RAPH1: variants seen among roughly 807,000 people sequenced by gnomAD.
The protein encoded by RAPH1 is ras-associated and pleckstrin homology domains-containing protein 1.
Under a neutral mutation model 88.1 loss-of-function variants are expected in RAPH1, and 18 were observed. The ratio of observed to expected loss-of-function variants is 0.20; its 90% CI spans 0.14 to 0.30. The LOEUF is 0.30. RAPH1 is among the 10% of genes least tolerant of loss of function. The probability of loss-of-function intolerance (pLI) is 1.00; values close to 1 mark genes in which losing one functional copy is unlikely to be tolerated. For missense variants in RAPH1, 1,448 were observed against 1,543.2 expected (o/e 0.94, Z 1.03); for synonymous variants, 587 against 559.0 (o/e 1.05, Z -0.71).
intron 8 of RAPH1, 93 bp downstream of exon 8, chr2:203,457,437 G>T: frequency 1.0e-6 from 1 of 958,896 alleles, no homozygotes; most frequent in Non-Finnish European, 1.7e-6. Context: ...ACTCACCTCA[G>T]CCTCCCGAAG....
At chr2:203,511,753 C>T (rs1166873689) in intron 1 of RAPH1, among the ~76,000 whole-genome samples, 1 of 152,032 alleles carries the variant, frequency 6.6e-6, no homozygotes, top group Non-Finnish European at 1.5e-5. Context: ...TTTCAGTATC[C>T]CTTTAAAAAG....
chr2:203,480,377 C>T (rs1581325712), intron 4 of RAPH1, among the ~76,000 whole-genome samples: 2 of 152,010 alleles, frequency 1.3e-5, no homozygotes, highest in Non-Finnish European at 2.9e-5. Context: ...GGCAAAACGC[C>T]GTCTCTAAAA....
intron 7 of RAPH1, among the ~76,000 whole-genome samples, chr2:203,459,643 G>A (rs2098522754): frequency 1.3e-5 from 2 of 152,188 alleles, no homozygotes; most frequent in South Asian, 2.1e-4. Context: ...ACTCACTAGA[G>A]CTATACTTCT....
intron 4 of RAPH1, among the ~76,000 whole-genome samples, chr2:203,482,802 C>G (rs188137001): frequency 7.7e-5 from 11 of 143,210 alleles, no homozygotes; most frequent in African/African-American, 3.1e-4. Flanking sequence ...GAATCTGTCT[C>G]AAAAAAAACA....
At chr2:203,520,076 C>T (rs998559826) in intron 1 of RAPH1, among the ~76,000 whole-genome samples, 1 of 152,090 alleles carries the variant, frequency 6.6e-6, no homozygotes, top group Non-Finnish European at 1.5e-5. Context: ...ACCTGTAATC[C>T]TAGCACTTTG....
chr2:203,439,665 T>G lies in RAPH1; in HGVS notation c.3525A>C (p.Arg1175=). 2.5e-6 allele frequency: 4 copies of G among 1,614,138 alleles called. No homozygotes were observed. The highest frequency in any genetic ancestry group is 3.4e-6 in the Non-Finnish European group (4 of 1,180,024). ...FLADLNRTLQ[R]KSITRHGSLS... ...GTGAGCCGTGCCGAGTGATGGACTT[T>G]CGTTGCAGTGTCCTGTTGAGGTCAG... Residue 1175 remains arginine (R), a synonymous_variant, in exon 14 of 14, where the codon CGA becomes CGC. Coordinates refer to ENST00000319170, the MANE Select transcript of RAPH1 (RefSeq NM_213589.3).
At chr2:203,480,078 G>C (rs559665841) in intron 4 of RAPH1, among the ~76,000 whole-genome samples, 4 of 152,200 alleles carry the variant, frequency 2.6e-5, no homozygotes, top group African/African-American at 9.7e-5. Flanking sequence ...ATTACAAAGT[G>C]TTGCGCCATT....
intron 1 of RAPH1, among the ~76,000 whole-genome samples, chr2:203,525,041 T>G (rs1690051721): frequency 6.6e-6 from 1 of 152,238 alleles, no homozygotes; most frequent in South Asian, 2.1e-4. Flanking sequence ...ATCCCACTCC[T>G]TTATCCAAGA....
intron 3 of RAPH1, 35 bp downstream of exon 3, chr2:203,491,179 T>C (rs766470862): frequency 7.1e-7 from 1 of 1,415,264 alleles, no homozygotes; most frequent in Non-Finnish European, 1.0e-6. Flanking sequence ...TGACTTAGCA[T>C]ACTATTTTAC....
chr2:203,445,249 TA>T, intron 12 of RAPH1: 1 of 406,316 alleles, frequency 2.5e-6, no homozygotes. Context: ...CTGATAATTA[TA>T]ATAAATGATT....
intron 1 of RAPH1, among the ~76,000 whole-genome samples, chr2:203,501,815 G>GGA (rs1688749939): frequency 9.4e-6 from 1 of 106,692 alleles, no homozygotes; most frequent in African/African-American, 3.6e-5. Flanking sequence ...TAAGCATTAT[G>GGA]AAAAAAAAAA....
At chr2:203,520,179 A>G (rs1355158823) in intron 1 of RAPH1, among the ~76,000 whole-genome samples, 1 of 152,010 alleles carries the variant, frequency 6.6e-6, no homozygotes, top group Non-Finnish European at 1.5e-5. Flanking sequence ...AGAAAAAAAA[A>G]TAATTACCCA....
At position 203,434,056 on chromosome 2, in the gene RAPH1, C is replaced by CTATATATATA. The variant is rs372040819; in HGVS notation, c.*5371_*5380dup. On this transcript the variant is annotated 3_prime_UTR_variant, in exon 14 of 14. Transcript: ENST00000319170. Reference sequence around the variant, plus strand: ...CTCTCTCATATATCTATCTATCTATCTATATATATATATATATATATATAG... The same window carrying CTATATATATA: ...CTCTCTCATATATCTATCTATCTATCTATATATATATATATATATATATATATATATATAG... 21 of 145,690 alleles carry CTATATATATA rather than the reference C, an allele frequency of 1.4e-4. No homozygotes were observed. Among genetic ancestry groups the CTATATATATA allele is most frequent in the African/African-American group, 4.8e-4 (19 of 39,314 alleles). 9.0% of individuals were successfully genotyped at this position (145,690 alleles called of 1,614,324 possible). A position where few individuals can be genotyped will look rare whatever the true frequency, so the allele number is the denominator to read the frequency against.
At chr2:203,491,114 C>A in intron 3 of RAPH1, 100 bp downstream of exon 3, 1 of 635,284 alleles carries the variant, frequency 1.6e-6, no homozygotes, top group Non-Finnish European at 2.7e-6. Context: ...ATGCATGTAG[C>A]TTTTATATCG....
intron 4 of RAPH1, among the ~76,000 whole-genome samples, chr2:203,484,284 A>G (rs1687867524): frequency 1.3e-5 from 2 of 152,164 alleles, no homozygotes; most frequent in South Asian, 4.1e-4. Context: ...AACGTACTAT[A>G]ACTGCCACCT....
chr2:203,494,856 G>A (rs775415925), intron 2 of RAPH1, among the ~76,000 whole-genome samples: 12 of 150,664 alleles, frequency 8.0e-5, no homozygotes, highest in African/African-American at 1.5e-4. Context: ...AAATATTTAC[G>A]TGGAAGGAAA....
chr2:203,434,388 A>G lies in RAPH1; in HGVS notation c.*5049T>C, dbSNP rs968393830. The stretch of plus-strand genomic sequence containing the variant: ...GGAGGGAGCAATCCCAGTTAAATAT[A>G]ATGTGCAATTCCCCTTTAACAGTAA... On this transcript the variant is annotated 3_prime_UTR_variant, in exon 14 of 14. Transcript: ENST00000319170. The G allele has an allele frequency of 1.3e-5, 2 of 152,624 alleles. No homozygotes were observed. Among genetic ancestry groups the G allele is most frequent in the African/African-American group, 4.8e-5 (2 of 41,460 alleles). The allele number at this position is 152,624 out of a possible 1,614,324, so 9.5% of individuals were successfully genotyped here. A position where few individuals can be genotyped will look rare whatever the true frequency, so the allele number is the denominator to read the frequency against.
intron 4 of RAPH1, among the ~76,000 whole-genome samples, chr2:203,480,133 C>G (rs183855874): frequency 6.6e-6 from 1 of 152,334 alleles, no homozygotes; most frequent in East Asian, 1.9e-4. Flanking sequence ...AAACTCACCA[C>G]AAATCTCTGC....
chr2:203,530,263 A>G (rs1339826132), intron 1 of RAPH1, among the ~76,000 whole-genome samples: 1 of 152,218 alleles, frequency 6.6e-6, no homozygotes, highest in Non-Finnish European at 1.5e-5. Flanking sequence ...GAAATTTTAC[A>G]CAGCCTCTCA....
Sources: gnomAD v4.1 joint callset for allele counts (sites outside exome capture counted in the v4.1 genomes callset) on GRCh38, gnomAD v4.1.1 for gene constraint, MANE v1.5 for transcripts, NCBI Gene and HGNC (gene_info 2026-07-23, HGNC 2026-07-21) for gene names.